The following PAFAH2 variants were observed in gnomAD, a reference collection of about 807,000 sequenced individuals.
PAFAH2 encodes platelet activating factor acetylhydrolase 2.
In PAFAH2, 42 loss-of-function variants were observed where a neutral mutation model predicts 49.0. That is an observed-to-expected ratio of 0.86 (90% CI 0.67 to 1.11). PAFAH2 has a LOEUF of 1.11. Among genes scored for constraint, PAFAH2 ranks in the 50% least tolerant of loss-of-function variants. PAFAH2 has a pLI of 0.00. For synonymous variants in PAFAH2, 184 were observed against 181.3 expected (o/e 1.01, Z -0.12); for missense variants, 503 against 501.8 (o/e 1.00, Z -0.02).
At chr1:25,977,046 G>T (rs554253781) in intron 7 of PAFAH2, among the ~76,000 whole-genome samples, 1 of 133,748 alleles carries the variant, frequency 7.5e-6, no homozygotes, top group Non-Finnish European at 1.5e-5. Flanking sequence ...TTTTTGAGAC[G>T]GAGTCTCGCT....
intron 6 of PAFAH2, among the ~76,000 whole-genome samples, chr1:25,983,102 T>C (rs775046867): frequency 7.9e-5 from 12 of 152,126 alleles, no homozygotes; most frequent in Non-Finnish European, 1.5e-4. Context: ...TCAAGAGCTG[T>C]GGTTCTGACT....
At chr1:25,981,159 T>G (rs774134101) in intron 7 of PAFAH2, among the ~76,000 whole-genome samples, 1 of 152,148 alleles carries the variant, frequency 6.6e-6, no homozygotes, top group Non-Finnish European at 1.5e-5. Context: ...ATACTCATAC[T>G]GTCTTGCTAA....
chr1:25,971,299 G>A (rs1374190083), intron 10 of PAFAH2, among the ~76,000 whole-genome samples: 3 of 152,188 alleles, frequency 2.0e-5, no homozygotes, highest in Non-Finnish European at 4.4e-5. Context: ...CGGGGCTACA[G>A]TGTGTTCTGG....
chr1:25,988,197 A>G (rs1428512485), intron 4 of PAFAH2, 34 bp downstream of exon 4: 1 of 1,369,150 alleles, frequency 7.3e-7, no homozygotes, highest in South Asian at 1.3e-5. Context: ...CCAGGCAAGG[A>G]GTATGGCAAG....
At chr1:25,962,828 A>G (rs1440054237) in intron 10 of PAFAH2, among the ~76,000 whole-genome samples, 1 of 151,982 alleles carries the variant, frequency 6.6e-6, no homozygotes, top group East Asian at 1.9e-4. Flanking sequence ...TCAGAAAAAA[A>G]AAAAAAAAGG....
At chr1:25,995,131 G>C (rs574997593) in intron 1 of PAFAH2, among the ~76,000 whole-genome samples, 1 of 152,286 alleles carries the variant, frequency 6.6e-6, no homozygotes, top group African/African-American at 2.4e-5. Flanking sequence ...GTTCATGGTA[G>C]TACCTGTCCA....
chr1:25,962,889 A>G (rs920339973), intron 10 of PAFAH2, among the ~76,000 whole-genome samples: 3 of 152,062 alleles, frequency 2.0e-5, no homozygotes, highest in African/African-American at 2.4e-5. Context: ...ACTAGGCAAA[A>G]AGCAGTATCT....
In PAFAH2 at chr1:25,974,595, T is replaced by C; in HGVS notation, c.814A>G (p.Lys272Glu). ...ATAAAGAACACAGGTCCTCGGGCCT[T>C]GGGGTAAAAGTCACGTTCCAGAGGA... ...MFPLERDFYPKARGPVFFINT... is the reference protein window; with the variant it reads ...MFPLERDFYPEARGPVFFINT... The change falls in exon 9 of 11, where the codon AAG (lysine) becomes GAG (glutamate). Residue 272 changes from lysine (K) to glutamate (E), a missense_variant. By Grantham distance (56) the Lys-to-Glu change is moderately conservative. Transcript: ENST00000374282. 6.2e-7 allele frequency: 1 copy of C among 1,614,088 alleles called. No individual in the cohort carries two copies. The highest frequency in any genetic ancestry group is 8.5e-7 in the Non-Finnish European group (1 of 1,179,988).
At chr1:25,973,972 A>G (rs2049549330) in intron 9 of PAFAH2, among the ~76,000 whole-genome samples, 1 of 152,162 alleles carries the variant, frequency 6.6e-6, no homozygotes. Context: ...ACTAACTGAT[A>G]GTGCTGATGA....
intron 9 of PAFAH2, among the ~76,000 whole-genome samples, chr1:25,974,019 A>T (rs149427041): frequency 5.4e-4 from 83 of 152,352 alleles, no homozygotes; most frequent in Middle Eastern, 3.4e-3. Context: ...TGACCAGAAT[A>T]TAGAAGGTTT....
At position 25,960,170 on chromosome 1, in the gene PAFAH2, G is replaced by A. The variant is rs2049318811; in HGVS notation, c.*1819C>T. On this transcript the variant is annotated 3_prime_UTR_variant, in exon 11 of 11. Coordinates refer to ENST00000374282, the MANE Select transcript of PAFAH2 (RefSeq NM_000437.4). ...TTTAATGATACCCTTCTTATGCTAT[G>A]TCTCATGGGAATTCAAAGATCCTCC... The A allele has an allele frequency of 6.6e-6, 1 of 152,198 alleles. No individual in the cohort carries two copies. The highest frequency in any genetic ancestry group is 2.4e-5 in the African/African-American group (1 of 41,442). 9.4% of individuals were successfully genotyped at this position (152,198 alleles called of 1,614,324 possible). A position where few individuals can be genotyped will look rare whatever the true frequency, so the allele number is the denominator to read the frequency against.
At chr1:25,988,668 T>G (rs1455235246) in intron 3 of PAFAH2, among the ~76,000 whole-genome samples, 1 of 150,942 alleles carries the variant, frequency 6.6e-6, no homozygotes, top group Non-Finnish European at 1.5e-5. Flanking sequence ...CTGGGCGTGG[T>G]GGCGGGCTCC....
intron 4 of PAFAH2, among the ~76,000 whole-genome samples, chr1:25,985,161 A>G (rs915615895): frequency 2.0e-5 from 3 of 152,128 alleles, no homozygotes; most frequent in African/African-American, 7.2e-5. Flanking sequence ...CCAGCCAGCC[A>G]GAGAGATTTC....
chr1:25,995,312 G>A (rs909905969), intron 1 of PAFAH2, among the ~76,000 whole-genome samples: 9 of 152,160 alleles, frequency 5.9e-5, no homozygotes, highest in African/African-American at 2.2e-4. Context: ...TATTCTAGCA[G>A]TTTTCAACCA....
Position 25,974,709 on chromosome 1 carries a change from G to A in PAFAH2, c.759-59C>T, listed in dbSNP as rs545007851. 3 of 1,524,248 alleles carry A rather than the reference G, an allele frequency of 2.0e-6. No individual in the cohort carries two copies. The African/African-American group carries it at 4.1e-5, about 21-fold the overall frequency. The allele number at this position is 1,524,248 out of a possible 1,614,324, so 94.4% of individuals were successfully genotyped here. On this transcript the variant is annotated intron_variant, in intron 8 of 10. Transcript: ENST00000374282. ...CGGATCCCAGGCAAGAATAGTTAGG[G>A]TGGTGGAGGGAAGGGCGGAGTTCCT...
intron 10 of PAFAH2, among the ~76,000 whole-genome samples, chr1:25,971,270 G>A (rs2049505192): frequency 6.6e-6 from 1 of 152,202 alleles, no homozygotes; most frequent in Non-Finnish European, 1.5e-5. Flanking sequence ...GATGCAGAGA[G>A]CTCAGAGCCT....
At position 25,992,649 on chromosome 1, in the gene PAFAH2, G is replaced by A. The variant is rs144243047; in HGVS notation, c.-47-1786C>T. 4.8e-3 allele frequency among the ~76,000 whole-genome samples: 730 copies of A among 152,250 alleles called. 1 individual carries two copies. Among genetic ancestry groups the A allele is most frequent in the Non-Finnish European group, 8.6e-3 (588 of 68,026 alleles). ...ATGAGGAAACAGATGCTTGACAAAG[G>A]CAATTTACCCAATAACATATGGCGA... On this transcript the variant is annotated intron_variant, in intron 1 of 10. Coordinates refer to ENST00000374282, the MANE Select transcript of PAFAH2 (RefSeq NM_000437.4).
intron 4 of PAFAH2, among the ~76,000 whole-genome samples, chr1:25,986,759 A>G (rs1213520187): frequency 2.0e-5 from 3 of 151,842 alleles, no homozygotes; most frequent in Admixed American, 1.3e-4. Context: ...TCGAACTCCC[A>G]ACCTCAGGTG....
chr1:25,975,191 C>T (rs2049570798), intron 8 of PAFAH2, among the ~76,000 whole-genome samples: 1 of 152,166 alleles, frequency 6.6e-6, no homozygotes, highest in Admixed American at 6.5e-5. Context: ...TAAGATTTTG[C>T]CATTTCCTTC....
Sources: gnomAD v4.1 joint callset for allele counts (sites outside exome capture counted in the v4.1 genomes callset) on GRCh38, gnomAD v4.1.1 for gene constraint, MANE v1.5 for transcripts, NCBI Gene and HGNC (gene_info 2026-07-23, HGNC 2026-07-21) for gene names.